The following CSMD2 variants were observed in gnomAD, a reference collection of about 807,000 sequenced individuals.
The protein encoded by CSMD2 is CUB and Sushi multiple domains 2.
A neutral mutation model predicts 398.5 loss-of-function variants in CSMD2; 130 were observed. The observed-to-expected ratio is 0.33, with a 90% CI of 0.28 to 0.38. The LOEUF (loss-of-function observed/expected upper bound fraction) is 0.38. Ranked by LOEUF, CSMD2 falls within the 10% of genes least tolerant of loss-of-function variation. The pLI is 1.00. For synonymous variants in CSMD2, 1,828 were observed against 1,908.5 expected, an observed-to-expected ratio of 0.96 and a Z score of 1.10; for missense variants, 3,829 against 4,764.9, an observed-to-expected ratio of 0.80 and a Z score of 5.78.
At chr1:34,092,433 G>A (rs565316314) in intron 1 of CSMD2, among the ~76,000 whole-genome samples, 5 of 152,280 alleles carry the variant, frequency 3.3e-5, no homozygotes, top group African/African-American at 9.6e-5. Flanking sequence ...AACAGCTCCC[G>A]TCCACAGCTC....
At chr1:34,108,362 G>C (rs918069659) in intron 1 of CSMD2, among the ~76,000 whole-genome samples, 2 of 152,186 alleles carry the variant, frequency 1.3e-5, no homozygotes, top group African/African-American at 4.8e-5. Flanking sequence ...CCACTTGCTA[G>C]CAAGGGGTAT....
chr1:33,940,875 A>G (rs1266541487), intron 3 of CSMD2, among the ~76,000 whole-genome samples: 1 of 152,212 alleles, frequency 6.6e-6, no homozygotes, highest in Non-Finnish European at 1.5e-5. Flanking sequence ...TGTCAAGGGC[A>G]ACATTTAAAG....
chr1:33,920,849 G>T (rs1643912456), intron 4 of CSMD2, among the ~76,000 whole-genome samples: 1 of 152,198 alleles, frequency 6.6e-6, no homozygotes, highest in Non-Finnish European at 1.5e-5. Flanking sequence ...CTAAGACCAG[G>T]TGGTAACAGT....
intron 27 of CSMD2, 81 bp downstream of exon 27, chr1:33,657,865 T>C: frequency 7.4e-7 from 1 of 1,356,616 alleles, no homozygotes; most frequent in Non-Finnish European, 1.0e-6. Context: ...AGGCCCAAGA[T>C]GCAGCTGCTG....
At chr1:33,739,003 TGA>T in intron 15 of CSMD2, 135 bp downstream of exon 15, 1 of 728,876 alleles carries the variant, frequency 1.4e-6, no homozygotes, top group Non-Finnish European at 2.2e-6. Context: ...AGCATGAGGG[TGA>T]GAGAGTGGCC....
chr1:33,737,142 A>T (rs1040624713), intron 15 of CSMD2, among the ~76,000 whole-genome samples: 4 of 152,182 alleles, frequency 2.6e-5, no homozygotes, highest in Non-Finnish European at 5.9e-5. Flanking sequence ...AGGTCTAGTT[A>T]CTTAACCTAA....
chr1:33,747,058 TC>T (rs1647485206), intron 13 of CSMD2, among the ~76,000 whole-genome samples: 1 of 152,180 alleles, frequency 6.6e-6, no homozygotes, highest in Non-Finnish European at 1.5e-5. Context: ...AGAAAGCTGC[TC>T]TTAAATATCA....
At chr1:33,848,946 G>A (rs981173765) in intron 5 of CSMD2, among the ~76,000 whole-genome samples, 3 of 151,834 alleles carry the variant, frequency 2.0e-5, no homozygotes, top group Non-Finnish European at 4.4e-5. Context: ...ATTGCAAAAT[G>A]GAATGAGGGG....
Position 33,931,849 on chromosome 1 carries a change from G to C in CSMD2, c.712+3911C>G, listed in dbSNP as rs139702126. Among the ~76,000 whole-genome samples, 275 of 152,326 alleles carry C rather than the reference G, an allele frequency of 1.8e-3. 2 individuals carry two copies. The highest frequency in any genetic ancestry group is 6.2e-3 in the African/African-American group (259 of 41,584). ...TTTTGTCAGATCTGTGCCTTAGCAA[G>C]TTCTCCCTAGCAGTACAGGTAGGAA... On this transcript the variant is annotated intron_variant, in intron 4 of 70. Transcript: ENST00000373381.
At chr1:33,736,175 G>A (rs1159519375) in intron 15 of CSMD2, among the ~76,000 whole-genome samples, 1 of 152,126 alleles carries the variant, frequency 6.6e-6, no homozygotes, top group Admixed American at 6.5e-5. Context: ...CCCCCTCCAG[G>A]GACAGAATGA....
chr1:33,918,679 G>A (rs1449739344), intron 4 of CSMD2, among the ~76,000 whole-genome samples: 5 of 152,204 alleles, frequency 3.3e-5, no homozygotes, highest in African/African-American at 1.2e-4. Context: ...GATAGTAATG[G>A]CATGTAGGAG....
chr1:33,778,875 C>T (rs1437259293), intron 12 of CSMD2, among the ~76,000 whole-genome samples: 1 of 152,126 alleles, frequency 6.6e-6, no homozygotes, highest in Non-Finnish European at 1.5e-5. Context: ...GGGAGTCAGC[C>T]TGGATTGCCC....
intron 3 of CSMD2, among the ~76,000 whole-genome samples, chr1:33,996,043 A>G (rs1646715892): frequency 6.6e-6 from 1 of 152,268 alleles, no homozygotes; most frequent in African/African-American, 2.4e-5. Flanking sequence ...CAAATGTCCT[A>G]ATATTATTCA....
chr1:33,751,601 G>GA (rs1648257489), intron 13 of CSMD2, among the ~76,000 whole-genome samples: 1 of 152,134 alleles, frequency 6.6e-6, no homozygotes, highest in African/African-American at 2.4e-5. Flanking sequence ...GCAAGGAGAT[G>GA]AGAGTGTGAA....
At chr1:33,553,592 A>G (rs1657667777) in intron 55 of CSMD2, among the ~76,000 whole-genome samples, 1 of 152,226 alleles carries the variant, frequency 6.6e-6, no homozygotes, top group African/African-American at 2.4e-5. Flanking sequence ...TTAAATCAAA[A>G]GCTAGGAATG....
chr1:33,531,131 T>C (rs565394282), intron 64 of CSMD2, among the ~76,000 whole-genome samples: 1 of 152,322 alleles, frequency 6.6e-6, no homozygotes, highest in South Asian at 2.1e-4. Flanking sequence ...GGCAAGTATA[T>C]GAAGTTAATG....
At chr1:33,898,336 T>G (rs949305047) in intron 5 of CSMD2, among the ~76,000 whole-genome samples, 1 of 152,188 alleles carries the variant, frequency 6.6e-6, no homozygotes, top group Non-Finnish European at 1.5e-5. Context: ...AAGACATAGC[T>G]GACAATGAAA....
Position 33,716,520 on chromosome 1 carries a change from G to A in CSMD2, c.3002-19C>T, listed in dbSNP as rs753681029. 6.3e-7 allele frequency: 1 copy of A among 1,596,110 alleles called. No individual in the cohort carries two copies. Among genetic ancestry groups the A allele is most frequent in the Admixed American group, 1.7e-5 (1 of 58,764 alleles). On this transcript the variant is annotated intron_variant, in intron 19 of 70. Transcript: ENST00000373381. ...AACACACCTGCCAAGAGACCAGAGG[G>A]TCAGGTTGTTGATGGCGAGATGGCT...
chr1:33,744,194 T>C (rs1353557854), intron 13 of CSMD2, among the ~76,000 whole-genome samples: 1 of 152,080 alleles, frequency 6.6e-6, no homozygotes, highest in African/African-American at 2.4e-5. Flanking sequence ...CTCAGCTGGG[T>C]TTACAGCAGT....
Sources: allele counts gnomAD v4.1 joint callset (sites outside exome capture counted in the v4.1 genomes callset), GRCh38; gene constraint gnomAD v4.1.1; transcripts MANE v1.5; gene names NCBI Gene and HGNC (gene_info 2026-07-23, HGNC 2026-07-21).